Variants in TMC1 observed in about 807,000 individuals in gnomAD.
The protein encoded by TMC1 is transmembrane channel-like protein 1.
In TMC1, 84 loss-of-function variants were observed where a neutral mutation model predicts 105.8. That is an observed-to-expected ratio of 0.79 (90% CI 0.67 to 0.95). The LOEUF (loss-of-function observed/expected upper bound fraction) is 0.95, where lower values mean the gene tolerates loss of function less well. TMC1 is among the 40% of genes least tolerant of loss of function. TMC1 has a pLI of 0.00. For missense variants in TMC1, 817 were observed against 914.1 expected, an observed-to-expected ratio of 0.89 and a Z score of 1.37; for synonymous variants, 315 against 311.5, an observed-to-expected ratio of 1.01 and a Z score of -0.12.
At chr9:72,829,404 A>G (rs1265165825) in intron 21 of TMC1, among the ~76,000 whole-genome samples, 1 of 152,246 alleles carries the variant, frequency 6.6e-6, no homozygotes, top group Non-Finnish European at 1.5e-5. Context: ...GTGGATAAAT[A>G]GAGAATTCCA....
At chr9:72,714,214 G>A (rs1826883013) in intron 8 of TMC1, among the ~76,000 whole-genome samples, 1 of 152,186 alleles carries the variant, frequency 6.6e-6, no homozygotes, top group Non-Finnish European at 1.5e-5. Flanking sequence ...TAAGTGCGAT[G>A]TGGTGCTGAG....
rs1440992177 is a variant in TMC1 at position 72,581,178 on chromosome 9, G to A, written c.-306+3155G>A. Among the ~76,000 whole-genome samples, 3 of 152,334 alleles carry A rather than the reference G, an allele frequency of 2.0e-5. No individual in the cohort carries two copies. In the East Asian group the frequency reaches 5.8e-4, roughly 29 times the overall value. On this transcript the variant is annotated intron_variant, in intron 2 of 23. Coordinates refer to ENST00000297784, the MANE Select transcript of TMC1 (RefSeq NM_138691.3). Reference sequence around the variant, plus strand: ...GAAAGATTAGCATTTTGGAGTTCAAGTACTTAAAGCTTTCTTGGATGGATA... The same window carrying A: ...GAAAGATTAGCATTTTGGAGTTCAAATACTTAAAGCTTTCTTGGATGGATA...
chr9:72,831,706 C>T (rs958887861), intron 23 of TMC1, among the ~76,000 whole-genome samples: 1 of 151,876 alleles, frequency 6.6e-6, no homozygotes, highest in Non-Finnish European at 1.5e-5. Flanking sequence ...TTTGTCCTTG[C>T]GATAGTTTGC....
At chr9:72,762,907 C>T (rs1363289756) in intron 12 of TMC1, among the ~76,000 whole-genome samples, 1 of 152,100 alleles carries the variant, frequency 6.6e-6, no homozygotes, top group Non-Finnish European at 1.5e-5. Context: ...ATTTCATGTT[C>T]TATTCTAGGT....
chr9:72,574,727 TAAG>T (rs1237427429), intron 1 of TMC1, among the ~76,000 whole-genome samples: 2 of 152,190 alleles, frequency 1.3e-5, no homozygotes, highest in Non-Finnish European at 2.9e-5. Context: ...GTGGGGGTCA[TAAG>T]AAGTAAGATG....
At chr9:72,716,322 C>T (rs1276697685) in intron 8 of TMC1, among the ~76,000 whole-genome samples, 1 of 152,208 alleles carries the variant, frequency 6.6e-6, no homozygotes, top group Non-Finnish European at 1.5e-5. Flanking sequence ...TTCAGAGCTG[C>T]CACACAGGGC....
intron 2 of TMC1, among the ~76,000 whole-genome samples, chr9:72,599,957 C>T (rs1298612320): frequency 6.6e-6 from 1 of 152,120 alleles, no homozygotes; most frequent in Non-Finnish European, 1.5e-5. Context: ...GATATGAACA[C>T]AGTGCTCAGG....
At chr9:72,785,947 T>A (rs1273634552) in intron 13 of TMC1, among the ~76,000 whole-genome samples, 1 of 152,222 alleles carries the variant, frequency 6.6e-6, no homozygotes, top group Non-Finnish European at 1.5e-5. Context: ...TCTAGAAAAT[T>A]GTTTCCTACC....
At chr9:72,685,452 C>T (rs1269680434) in intron 5 of TMC1, among the ~76,000 whole-genome samples, 1 of 151,468 alleles carries the variant, frequency 6.6e-6, no homozygotes, top group Admixed American at 6.6e-5. Context: ...CAACCTCTGC[C>T]TCCCGGGTTC....
chr9:72,551,801 G>A (rs538225269), intron 1 of TMC1, among the ~76,000 whole-genome samples: 186 of 152,202 alleles, frequency 1.2e-3, no homozygotes, highest in African/African-American at 4.4e-3. Context: ...CAATATGGCC[G>A]GCATCCTCAT....
At chr9:72,728,192 C>T (rs2117972827) in intron 8 of TMC1, among the ~76,000 whole-genome samples, 1 of 152,106 alleles carries the variant, frequency 6.6e-6, no homozygotes. Flanking sequence ...AGCATCTTAA[C>T]AAAAGAACAG....
intron 2 of TMC1, among the ~76,000 whole-genome samples, chr9:72,609,252 A>G (rs976148372): frequency 1.4e-5 from 2 of 143,678 alleles, no homozygotes; most frequent in African/African-American, 5.4e-5. Context: ...AAAATTCCTC[A>G]AACTGGCTGG....
intron 5 of TMC1, among the ~76,000 whole-genome samples, chr9:72,666,856 C>G (rs966768225): frequency 6.6e-6 from 1 of 151,428 alleles, no homozygotes; most frequent in African/African-American, 2.4e-5. Context: ...TTGAGACCAG[C>G]CTGGGCAGCA....
At chr9:72,678,604 A>C (rs1826240882) in intron 5 of TMC1, among the ~76,000 whole-genome samples, 1 of 152,014 alleles carries the variant, frequency 6.6e-6, no homozygotes, top group Admixed American at 6.6e-5. Context: ...GAAGGATCTT[A>C]ATTTTTAGCT....
At chr9:72,596,368 A>T (rs1405693195) in intron 2 of TMC1, among the ~76,000 whole-genome samples, 1 of 152,110 alleles carries the variant, frequency 6.6e-6, no homozygotes, top group East Asian at 1.9e-4. Flanking sequence ...TCTTGGAGCA[A>T]TACATCTTAT....
chr9:72,833,750 G>C (rs1031916347), intron 23 of TMC1, among the ~76,000 whole-genome samples: 1 of 152,152 alleles, frequency 6.6e-6, no homozygotes, highest in Admixed American at 6.5e-5. Context: ...TATTTTTTCA[G>C]AGGTTTCCCA....
chr9:72,794,121 G>A (rs1031078280), intron 17 of TMC1, among the ~76,000 whole-genome samples: 23 of 151,112 alleles, frequency 1.5e-4, no homozygotes, highest in African/African-American at 3.7e-4. Context: ...CCCCCAGCTC[G>A]GACCCACAAC....
In TMC1 at chr9:72,832,897, C is replaced by T. The variant is rs77228570; in HGVS notation, c.2260+2215C>T. On this transcript the variant is annotated intron_variant, in intron 23 of 23. Transcript: ENST00000297784. ...CATGAAAAACAGCATCTTCTTCTGC[C>T]TCCTACACCAGTTTTGCTCTCTTCT... Among the ~76,000 whole-genome samples the T allele has an allele frequency of 8.6e-3, 1,309 of 152,068 alleles. 17 individuals are homozygous for T. The highest frequency in any genetic ancestry group is 0.03 in the African/African-American group (1,246 of 41,472).
intron 19 of TMC1, 64 bp downstream of exon 19, chr9:72,816,274 G>T: frequency 6.8e-7 from 1 of 1,471,462 alleles, no homozygotes; most frequent in South Asian, 1.1e-5. Context: ...TTTGCATACA[G>T]CATTGAATCC....
Sources: allele counts gnomAD v4.1 joint callset (sites outside exome capture counted in the v4.1 genomes callset), GRCh38; gene constraint gnomAD v4.1.1; transcripts MANE v1.5; gene names NCBI Gene and HGNC (gene_info 2026-07-23, HGNC 2026-07-21).